RBFOX1: variants seen among roughly 807,000 people sequenced by gnomAD.
The protein encoded by RBFOX1 is RNA binding protein fox-1 homolog 1.
A neutral mutation model predicts 57.7 loss-of-function variants in RBFOX1; 8 were observed. The ratio of observed to expected loss-of-function variants is 0.14; its 90% CI spans 0.08 to 0.25. The LOEUF (loss-of-function observed/expected upper bound fraction) is 0.25. RBFOX1 is among the 10% of genes least tolerant of loss of function. The probability of loss-of-function intolerance (pLI) is 1.00; values close to 1 mark genes in which losing one functional copy is unlikely to be tolerated. For synonymous variants in RBFOX1, 326 were observed against 222.4 expected, an observed-to-expected ratio of 1.47 and a Z score of -4.15; for missense variants, 611 against 548.5, an observed-to-expected ratio of 1.11 and a Z score of -1.14.
chr16:6,941,300 C>CTCCTTCCTTCCTTCCTTCCT lies in RBFOX1; in HGVS notation c.-15-110718_-15-110699dup, dbSNP rs57110590. On this transcript the variant is annotated intron_variant, in intron 3 of 15. Transcript: ENST00000550418. ...CTCCCTTCCCTCCTTCCCTCCCTCC[C>CTCCTTCCTTCCTTCCTTCCT]TCCTTCCTTCCTTCCTTCCTTCCTT... 3.3e-3 allele frequency among the ~76,000 whole-genome samples: 261 copies of CTCCTTCCTTCCTTCCTTCCT among 79,214 alleles called. 1 individual carries two copies. The highest frequency in any genetic ancestry group is 0.021 in the East Asian group (54 of 2,590). The allele number at this position is 79,214 out of a possible 152,430, so 52.0% of individuals were successfully genotyped here.
chr16:5,818,944 C>A (rs991787240), intron 3 of RBFOX1, among the ~76,000 whole-genome samples: 16 of 152,212 alleles, frequency 1.1e-4, no homozygotes, highest in Admixed American at 5.2e-4. Flanking sequence ...TCCATCCTTA[C>A]AATGGATGGG....
intron 3 of RBFOX1, among the ~76,000 whole-genome samples, chr16:6,853,256 G>A (rs2094165159): frequency 6.6e-6 from 1 of 152,280 alleles, no homozygotes; most frequent in South Asian, 2.1e-4. Flanking sequence ...TGTAGTAAGT[G>A]CCATATAAAT....
At chr16:6,975,344 C>A (rs1011803906) in intron 3 of RBFOX1, among the ~76,000 whole-genome samples, 1 of 152,136 alleles carries the variant, frequency 6.6e-6, no homozygotes, top group Non-Finnish European at 1.5e-5. Context: ...CAGCTCACTG[C>A]AATCTCCGAC....
intron 1 of RBFOX1, among the ~76,000 whole-genome samples, chr16:6,222,005 C>T (rs2097377119): frequency 6.6e-6 from 1 of 152,058 alleles, no homozygotes; most frequent in African/African-American, 2.4e-5. Context: ...CTTCATGTTT[C>T]CTCATGTCAC....
At chr16:6,767,273 G>C (rs1484064647) in intron 3 of RBFOX1, among the ~76,000 whole-genome samples, 2 of 151,958 alleles carry the variant, frequency 1.3e-5, no homozygotes, top group African/African-American at 2.4e-5. Context: ...GTCTCTCCAA[G>C]GAGACTCAGT....
At chr16:5,240,258 C>CGGCCT in intron 1 of RBFOX1, among the ~76,000 whole-genome samples, 1 of 152,116 alleles carries the variant, frequency 6.6e-6, no homozygotes, top group South Asian at 2.1e-4. Flanking sequence ...CAGCTCGTGA[C>CGGCCT]GGCCTCCGAG....
intron 2 of RBFOX1, among the ~76,000 whole-genome samples, chr16:6,478,666 T>C (rs1177147999): frequency 6.6e-6 from 1 of 151,562 alleles, no homozygotes; most frequent in Non-Finnish European, 1.5e-5. Context: ...GAGGCTATTG[T>C]AAGGTTATTT....
chr16:6,113,797 G>T (rs1249459123), intron 1 of RBFOX1, among the ~76,000 whole-genome samples: 2 of 152,312 alleles, frequency 1.3e-5, no homozygotes, highest in African/African-American at 4.8e-5. Context: ...TTGATTTGAA[G>T]GCGTCAGACA....
At chr16:7,464,782 C>T (rs1009093605) in intron 4 of RBFOX1, among the ~76,000 whole-genome samples, 4 of 149,486 alleles carry the variant, frequency 2.7e-5, no homozygotes, top group Non-Finnish European at 4.4e-5. Context: ...CTTCAAGCTC[C>T]GCCTCCCAGG....
chr16:6,728,841 A>G (rs1472364291), intron 3 of RBFOX1, among the ~76,000 whole-genome samples: 1 of 152,212 alleles, frequency 6.6e-6, no homozygotes, highest in African/African-American at 2.4e-5. Context: ...TAATTCATGT[A>G]GCATTCAAAA....
At chr16:5,749,917 G>C (rs556492578) in intron 3 of RBFOX1, among the ~76,000 whole-genome samples, 2 of 152,202 alleles carry the variant, frequency 1.3e-5, no homozygotes, top group Non-Finnish European at 1.5e-5. Flanking sequence ...GAGGAGCTGC[G>C]TTCCTTTAGA....
intron 2 of RBFOX1, among the ~76,000 whole-genome samples, chr16:6,552,983 AG>A (rs1379682497): frequency 6.6e-6 from 1 of 152,182 alleles, no homozygotes; most frequent in African/African-American, 2.4e-5. Context: ...CTAAAGAAAA[AG>A]CATCAGCTGC....
chr16:6,845,300 T>C lies in RBFOX1; in HGVS notation c.-16+190650T>C, dbSNP rs146381293. ...GCCTAGGTTTTTTTTTTCTAGTGTT[T>C]TTAGAGTTTTGGGTTTTACATTTAA... On this transcript the variant is annotated intron_variant, in intron 3 of 15. Coordinates refer to ENST00000550418, the MANE Select transcript of RBFOX1 (RefSeq NM_018723.4). 6.8e-3 allele frequency among the ~76,000 whole-genome samples: 1,039 copies of C among 152,318 alleles called. 17 individuals are homozygous for C. Among genetic ancestry groups the C allele is most frequent in the African/African-American group, 0.023 (976 of 41,574 alleles).
At chr16:7,343,789 G>T (rs982468492) in intron 4 of RBFOX1, among the ~76,000 whole-genome samples, 2 of 152,060 alleles carry the variant, frequency 1.3e-5, no homozygotes, top group African/African-American at 4.8e-5. Flanking sequence ...TGGGACCTTG[G>T]ATGCCATTTG....
chr16:6,055,118 T>G (rs974189785), intron 1 of RBFOX1, among the ~76,000 whole-genome samples: 2 of 152,312 alleles, frequency 1.3e-5, no homozygotes, highest in African/African-American at 4.8e-5. Flanking sequence ...GCATCTTTTT[T>G]GGGATGCAAA....
intron 3 of RBFOX1, among the ~76,000 whole-genome samples, chr16:6,677,387 G>A (rs1446488814): frequency 6.6e-6 from 1 of 152,118 alleles, no homozygotes; most frequent in Non-Finnish European, 1.5e-5. Context: ...TATGTGATAT[G>A]TTTCTATGGA....
At chr16:6,919,471 T>G (rs1355901321) in intron 3 of RBFOX1, among the ~76,000 whole-genome samples, 3 of 151,852 alleles carry the variant, frequency 2.0e-5, no homozygotes, top group Non-Finnish European at 4.4e-5. Context: ...TAAGTAAACT[T>G]CTCAGCATCA....
chr16:7,586,434 C>G (rs993979721), intron 6 of RBFOX1, among the ~76,000 whole-genome samples: 2 of 152,140 alleles, frequency 1.3e-5, no homozygotes, highest in Non-Finnish European at 2.9e-5. Flanking sequence ...CCAGATTTCA[C>G]AAATTTAAAA....
At chr16:7,228,886 T>C (rs892646308) in intron 4 of RBFOX1, among the ~76,000 whole-genome samples, 4 of 152,202 alleles carry the variant, frequency 2.6e-5, no homozygotes, top group African/African-American at 7.2e-5. Flanking sequence ...AGCTTCACGT[T>C]ATCTGTTGCA....
Sources: allele counts gnomAD v4.1 joint callset (sites outside exome capture counted in the v4.1 genomes callset), GRCh38; gene constraint gnomAD v4.1.1; transcripts MANE v1.5; gene names NCBI Gene and HGNC (gene_info 2026-07-23, HGNC 2026-07-21).